CHN1: variants seen among roughly 807,000 people sequenced by gnomAD.
CHN1 encodes N-chimaerin.
In CHN1, 37 loss-of-function variants were observed where a neutral mutation model predicts 59.5. The ratio of observed to expected loss-of-function variants is 0.62; its 90% CI spans 0.48 to 0.82. The LOEUF is 0.82. Among genes scored for constraint, CHN1 ranks in the 40% least tolerant of loss-of-function variants. CHN1 has a pLI of 0.00. For synonymous variants in CHN1, 206 were observed against 200.4 expected, an observed-to-expected ratio of 1.03 and a Z score of -0.24; for missense variants, 469 against 571.0, an observed-to-expected ratio of 0.82 and a Z score of 1.82.
chr2:174,964,691 G>A (rs1037506029), intron 1 of CHN1, among the ~76,000 whole-genome samples: 8 of 152,052 alleles, frequency 5.3e-5, no homozygotes, highest in Non-Finnish European at 7.4e-5. Flanking sequence ...CTCTTCTGCC[G>A]GTTCTAATTG....
intron 3 of CHN1, among the ~76,000 whole-genome samples, chr2:174,930,989 C>T (rs937687882): frequency 1.3e-5 from 2 of 152,016 alleles, no homozygotes; most frequent in African/African-American, 2.4e-5. Context: ...AGGATGGTCT[C>T]GTACTCCTGA....
intron 5 of CHN1, among the ~76,000 whole-genome samples, chr2:174,881,595 A>G (rs1269158399): frequency 1.3e-5 from 2 of 152,234 alleles, no homozygotes; most frequent in East Asian, 3.8e-4. Context: ...GCCCCTGCAG[A>G]GAATGACAGA....
At chr2:174,892,853 CA>C (rs1688095922) in intron 5 of CHN1, among the ~76,000 whole-genome samples, 1 of 152,110 alleles carries the variant, frequency 6.6e-6, no homozygotes, top group East Asian at 1.9e-4. Flanking sequence ...AAATGAAGGG[CA>C]AAAACCACAT....
chr2:174,831,487 A>G (rs1685877425), intron 7 of CHN1, among the ~76,000 whole-genome samples: 2 of 152,174 alleles, frequency 1.3e-5, no homozygotes, highest in African/African-American at 4.8e-5. Flanking sequence ...CTGAAACCCA[A>G]GAATCTGGAT....
intron 6 of CHN1, among the ~76,000 whole-genome samples, chr2:174,854,082 G>A (rs993640602): frequency 6.6e-6 from 1 of 152,062 alleles, no homozygotes; most frequent in African/African-American, 2.4e-5. Flanking sequence ...AAATAAAAAT[G>A]TAAAGTACTA....
chr2:174,812,210 A>G lies in CHN1; in HGVS notation c.886+99T>C, dbSNP rs374152833. ...ATGAAACCATTCCCCTCCAAATTAC[A>G]GAAGACAACCGTATTGTGCAATGAG... On this transcript the variant is annotated intron_variant, in intron 9 of 12. Transcript: ENST00000409900. The G allele has an allele frequency of 3.2e-4, 302 of 938,406 alleles. 3 individuals carry two copies. In the South Asian group the frequency reaches 5.0e-3, roughly 15 times the overall value. 58.1% of individuals were successfully genotyped at this position (938,406 alleles called of 1,614,324 possible).
chr2:175,003,050 G>C (rs1368166072), intron 1 of CHN1, among the ~76,000 whole-genome samples: 1 of 152,128 alleles, frequency 6.6e-6, no homozygotes, highest in South Asian at 2.1e-4. Context: ...ATCACAAAGG[G>C]AGTCACTTTA....
intron 3 of CHN1, among the ~76,000 whole-genome samples, chr2:174,929,577 CAA>C (rs5836479): frequency 7.0e-6 from 1 of 143,196 alleles, no homozygotes; most frequent in Non-Finnish European, 1.5e-5. Flanking sequence ...GACTCTATTT[CAA>C]AAAAAAAAAG....
At chr2:174,947,486 A>ATT in intron 2 of CHN1, among the ~76,000 whole-genome samples, 1 of 142,566 alleles carries the variant, frequency 7.0e-6, no homozygotes, top group Non-Finnish European at 1.5e-5. Flanking sequence ...TTTTTTTTTT[A>ATT]ATTTTTTTTT....
chr2:174,813,130 T>C (rs75824496), intron 8 of CHN1, among the ~76,000 whole-genome samples: 3,044 of 152,348 alleles, frequency 0.02, 98 homozygotes, highest in African/African-American at 0.069. Flanking sequence ...CAAAGCTCTA[T>C]GAAACGGGTA....
intron 7 of CHN1, among the ~76,000 whole-genome samples, chr2:174,825,511 A>G (rs1347769721): frequency 6.6e-6 from 1 of 152,208 alleles, no homozygotes; most frequent in African/African-American, 2.4e-5. Flanking sequence ...AGAAGAAAGG[A>G]TTCAAATGTT....
intron 12 of CHN1, among the ~76,000 whole-genome samples, chr2:174,801,406 CTCTA>C (rs1194120386): frequency 6.6e-6 from 1 of 152,188 alleles, no homozygotes. Flanking sequence ...ACAGCCACAA[CTCTA>C]TCTTTCCACA....
rs1684647113 is a variant in CHN1 at position 174,799,543 on chromosome 2, A to G, written c.*573T>C. ...TGGATAACCTTTATTAAAGTAACAA[A>G]TCTGAAAACACATTTTGCTTTTGCT... On this transcript the variant is annotated 3_prime_UTR_variant, in exon 13 of 13. Transcript: ENST00000409900. The G allele has an allele frequency of 1.9e-6, 1 of 521,966 alleles. No individual in the cohort carries two copies. The highest frequency in any genetic ancestry group is 3.7e-6 in the Non-Finnish European group (1 of 268,654). The allele number at this position is 521,966 out of a possible 1,614,324, so 32.3% of individuals were successfully genotyped here.
chr2:174,839,031 AT>A (rs1208639618), intron 7 of CHN1, among the ~76,000 whole-genome samples: 1 of 151,696 alleles, frequency 6.6e-6, no homozygotes, highest in African/African-American at 2.4e-5. Flanking sequence ...AAAAAAAAAA[AT>A]TTAGAAGAAG....
At chr2:174,927,243 A>G (rs1354812755) in intron 3 of CHN1, among the ~76,000 whole-genome samples, 1 of 152,178 alleles carries the variant, frequency 6.6e-6, no homozygotes, top group Non-Finnish European at 1.5e-5. Context: ...CTTTTGGTTT[A>G]CACAGGATTT....
intron 1 of CHN1, among the ~76,000 whole-genome samples, chr2:174,979,270 T>C (rs890165666): frequency 6.6e-6 from 1 of 152,250 alleles, no homozygotes; most frequent in Non-Finnish European, 1.5e-5. Context: ...GTGTTAGCCT[T>C]ATCAACCATA....
intron 1 of CHN1, among the ~76,000 whole-genome samples, chr2:174,968,357 G>A (rs1040813081): frequency 4.1e-4 from 62 of 152,272 alleles, no homozygotes; most frequent in African/African-American, 1.3e-3. Context: ...ATAAACTGTA[G>A]AGCCAAATGT....
At chr2:174,843,135 C>T (rs1291700641) in intron 7 of CHN1, among the ~76,000 whole-genome samples, 1 of 151,974 alleles carries the variant, frequency 6.6e-6, no homozygotes, top group Admixed American at 6.6e-5. Flanking sequence ...AAGCAACAAA[C>T]CAGATGAAAC....
At chr2:174,849,940 C>T (rs887137527) in intron 6 of CHN1, among the ~76,000 whole-genome samples, 2 of 152,152 alleles carry the variant, frequency 1.3e-5, no homozygotes, top group Non-Finnish European at 2.9e-5. Flanking sequence ...GGTGGTTTCT[C>T]TAGTTACCTT....
Sources: allele counts gnomAD v4.1 joint callset (sites outside exome capture counted in the v4.1 genomes callset), GRCh38; gene constraint gnomAD v4.1.1; transcripts MANE v1.5; gene names NCBI Gene and HGNC (gene_info 2026-07-23, HGNC 2026-07-21).